HADH: variants seen among roughly 807,000 people sequenced by gnomAD.
HADH encodes hydroxyacyl-coenzyme A dehydrogenase, mitochondrial.
HADH carries 24 observed loss-of-function variants against 32.2 expected under a neutral mutation model. The ratio of observed to expected loss-of-function variants is 0.75; its 90% CI spans 0.54 to 1.05. HADH has a LOEUF of 1.05. Ranked by LOEUF, HADH falls within the 50% of genes least tolerant of loss-of-function variation. The pLI, the probability that HADH is intolerant of heterozygous loss-of-function variation, is 0.00. For missense variants in HADH, 350 were observed against 397.1 expected, an observed-to-expected ratio of 0.88 and a Z score of 1.01; for synonymous variants, 139 against 152.5, an observed-to-expected ratio of 0.91 and a Z score of 0.65.
intron 1 of HADH, among the ~76,000 whole-genome samples, chr4:108,007,894 G>A (rs10433997): frequency 6.6e-6 from 1 of 152,208 alleles, no homozygotes; most frequent in Non-Finnish European, 1.5e-5. Context: ...GCCCTTAGAA[G>A]TTGCTAACCT....
chr4:108,019,760 A>C, intron 4 of HADH, 94 bp downstream of exon 4: 1 of 1,465,430 alleles, frequency 6.8e-7, no homozygotes, highest in South Asian at 1.1e-5. Flanking sequence ...CCAGTTGCCT[A>C]GGATGGGTTT....
At chr4:108,003,296 G>C (rs1735177487) in intron 1 of HADH, among the ~76,000 whole-genome samples, 1 of 152,122 alleles carries the variant, frequency 6.6e-6, no homozygotes, top group African/African-American at 2.4e-5. Context: ...CATGGCAGAA[G>C]GTGGAAGAAA....
intron 1 of HADH, among the ~76,000 whole-genome samples, chr4:108,001,576 G>A (rs1367660047): frequency 6.6e-6 from 1 of 152,216 alleles, no homozygotes; most frequent in Non-Finnish European, 1.5e-5. Context: ...CCCCTTACGA[G>A]GGGAGGGAGT....
At chr4:108,024,538 G>A (rs1425238648) in intron 5 of HADH, 1 of 152,144 alleles carries the variant, frequency 6.6e-6, no homozygotes, top group African/African-American at 2.4e-5. Flanking sequence ...AAGAGAGCAG[G>A]CTTGTGTGTC....
intron 1 of HADH, among the ~76,000 whole-genome samples, chr4:107,990,743 CTTT>C (rs553014808): frequency 1.8e-5 from 2 of 111,840 alleles, no homozygotes; most frequent in Non-Finnish European, 1.8e-5. Flanking sequence ...AAGTCTCTCT[CTTT>C]TTTTTTTTTT....
chr4:108,002,431 A>G (rs1735146491), intron 1 of HADH, among the ~76,000 whole-genome samples: 1 of 152,144 alleles, frequency 6.6e-6, no homozygotes, highest in Non-Finnish European at 1.5e-5. Context: ...CATTATCCCC[A>G]CATGGCACCA....
At chr4:108,016,186 C>T (rs1443624883) in intron 3 of HADH, among the ~76,000 whole-genome samples, 1 of 152,134 alleles carries the variant, frequency 6.6e-6, no homozygotes, top group African/African-American at 2.4e-5. Context: ...GATCAGTGCT[C>T]TTCTAGTGAC....
chr4:108,029,405 G>C (rs1310213934), intron 6 of HADH: 1 of 152,774 alleles, frequency 6.5e-6, no homozygotes, highest in Admixed American at 6.5e-5. Flanking sequence ...TTAGGTAGCA[G>C]AGTAATTCAC....
chr4:108,002,439 C>A (rs187349580), intron 1 of HADH, among the ~76,000 whole-genome samples: 21 of 152,260 alleles, frequency 1.4e-4, no homozygotes, highest in African/African-American at 5.1e-4. Flanking sequence ...CCACATGGCA[C>A]CATCTAGATG....
At chr4:108,010,654 T>A (rs952443429) in intron 2 of HADH, among the ~76,000 whole-genome samples, 99 of 152,150 alleles carry the variant, frequency 6.5e-4, no homozygotes, top group African/African-American at 1.9e-3. Context: ...CTTTTAAAAA[T>A]TTTTTTATTA....
At chr4:107,990,120 A>T in intron 1 of HADH, 56 bp downstream of exon 1, 2 of 1,553,948 alleles carry the variant, frequency 1.3e-6, no homozygotes, top group Non-Finnish European at 1.7e-6. Context: ...CCTGAGGTGG[A>T]AGCTCTGGCG....
chr4:108,007,953 C>T (rs1009950830), intron 1 of HADH, among the ~76,000 whole-genome samples: 1 of 152,110 alleles, frequency 6.6e-6, no homozygotes, highest in African/African-American at 2.4e-5. Context: ...GAACCTTGCA[C>T]TTTTAGATTG....
At chr4:108,003,402 G>A (rs1036672559) in intron 1 of HADH, among the ~76,000 whole-genome samples, 1 of 152,112 alleles carries the variant, frequency 6.6e-6, no homozygotes, top group South Asian at 2.1e-4. Flanking sequence ...CTTAAAGGCC[G>A]CACCTCTCAA....
At chr4:108,012,981 G>A (rs1378447436) in intron 2 of HADH, among the ~76,000 whole-genome samples, 2 of 152,192 alleles carry the variant, frequency 1.3e-5, no homozygotes, top group African/African-American at 4.8e-5. Context: ...AGCCAAGGCT[G>A]GAGTGCAGTT....
At chr4:108,021,965 A>G (rs1464112610) in intron 4 of HADH, among the ~76,000 whole-genome samples, 1 of 152,154 alleles carries the variant, frequency 6.6e-6, no homozygotes, top group Non-Finnish European at 1.5e-5. Flanking sequence ...CTTTGTTTAT[A>G]TAGCACCTTT....
intron 6 of HADH, chr4:108,032,873 T>C: frequency 2.5e-6 from 1 of 401,946 alleles, no homozygotes; most frequent in East Asian, 5.9e-5. Flanking sequence ...TCTCAGCCAC[T>C]AGGGAGGCTG....
chr4:108,032,000 A>T (rs1736283135), intron 6 of HADH: 2 of 235,638 alleles, frequency 8.5e-6, no homozygotes, highest in Non-Finnish European at 1.6e-5. Context: ...ATTGTGGTGT[A>T]TTTTAGTCAC....
At chr4:108,004,053 C>T (rs556413325) in intron 1 of HADH, among the ~76,000 whole-genome samples, 5 of 152,308 alleles carry the variant, frequency 3.3e-5, no homozygotes, top group African/African-American at 9.6e-5. Context: ...CCTCAGACCC[C>T]GCCATGCCTT....
At chr4:108,008,605 G>A (rs1159631897) in intron 1 of HADH, among the ~76,000 whole-genome samples, 2 of 152,114 alleles carry the variant, frequency 1.3e-5, no homozygotes, top group African/African-American at 4.8e-5. Context: ...CACGACCATG[G>A]TTTGGGACTA....
Sources: gnomAD v4.1 joint callset for allele counts (sites outside exome capture counted in the v4.1 genomes callset) on GRCh38, gnomAD v4.1.1 for gene constraint, MANE v1.5 for transcripts, NCBI Gene and HGNC (gene_info 2026-07-23, HGNC 2026-07-21) for gene names.